Variants in SCN9A observed in about 807,000 individuals in gnomAD.
The protein encoded by SCN9A is sodium voltage-gated channel alpha subunit 9.
In SCN9A, 131 loss-of-function variants were observed where a neutral mutation model predicts 187.0. The observed-to-expected ratio is 0.70, with a 90% CI of 0.61 to 0.81. The LOEUF (loss-of-function observed/expected upper bound fraction) is 0.81. Among genes scored for constraint, SCN9A ranks in the 30% least tolerant of loss-of-function variants. The pLI, the probability that SCN9A is intolerant of heterozygous loss-of-function variation, is 0.00. For synonymous variants in SCN9A, 809 were observed against 808.6 expected (o/e 1.00, Z -0.01); for missense variants, 2,252 against 2,396.6 (o/e 0.94, Z 1.26).
At chr2:166,200,021 G>A (rs1320657419) in intron 26 of SCN9A, among the ~76,000 whole-genome samples, 157 bp from the exon 27 acceptor site, 2 of 38,526 alleles carry the variant, frequency 5.2e-5, no homozygotes, top group African/African-American at 2.5e-4. Context: ...TTTTTGAGAC[G>A]GAGTCTCGCT....
chr2:166,321,949 A>G (rs1699255741), intron 1 of SCN9A, among the ~76,000 whole-genome samples: 1 of 152,120 alleles, frequency 6.6e-6, no homozygotes, highest in Non-Finnish European at 1.5e-5. Flanking sequence ...TCAAGCAATA[A>G]GCAAGAAGAA....
chr2:166,270,336 G>A (rs904189954), intron 17 of SCN9A, among the ~76,000 whole-genome samples: 1 of 151,884 alleles, frequency 6.6e-6, no homozygotes, highest in African/African-American at 2.4e-5. Flanking sequence ...GTGTACATAT[G>A]AGAGGATGTG....
At chr2:166,350,559 G>T (rs1433650410) in intron 1 of SCN9A, among the ~76,000 whole-genome samples, 1 of 152,208 alleles carries the variant, frequency 6.6e-6, no homozygotes, top group East Asian at 1.9e-4. Flanking sequence ...TTTTGTAAAT[G>T]ATAATCACTT....
intron 24 of SCN9A, among the ~76,000 whole-genome samples, chr2:166,208,560 C>CT (rs768681241): frequency 1.3e-4 from 19 of 151,620 alleles, no homozygotes; most frequent in Admixed American, 2.6e-4. Flanking sequence ...TGTAATCTTC[C>CT]TTTTTATAAC....
chr2:166,313,063 T>TA (rs1699015801), intron 1 of SCN9A, among the ~76,000 whole-genome samples: 1 of 148,924 alleles, frequency 6.7e-6, no homozygotes, highest in African/African-American at 2.4e-5. Flanking sequence ...ATATAATTAT[T>TA]TAATTTTCTG....
At chr2:166,332,308 A>G (rs2105265905) in intron 1 of SCN9A, among the ~76,000 whole-genome samples, 1 of 152,258 alleles carries the variant, frequency 6.6e-6, no homozygotes, top group South Asian at 2.1e-4. Context: ...TAGTTTCCCA[A>G]AGCCTTCCAA....
chr2:166,228,563 G>A, intron 22 of SCN9A, 128 bp downstream of exon 22: 1 of 865,268 alleles, frequency 1.2e-6, no homozygotes, highest in Non-Finnish European at 1.6e-6. Flanking sequence ...GGCCAAGACT[G>A]GCACTGTTTT....
chr2:166,295,405 C>T (rs1698254470), intron 7 of SCN9A, among the ~76,000 whole-genome samples: 1 of 152,064 alleles, frequency 6.6e-6, no homozygotes, highest in South Asian at 2.1e-4. Flanking sequence ...TGCAAACATC[C>T]TAGGGTGCAC....
At chr2:166,318,093 G>A (rs1699150910) in intron 1 of SCN9A, among the ~76,000 whole-genome samples, 1 of 152,098 alleles carries the variant, frequency 6.6e-6, no homozygotes, top group Admixed American at 6.5e-5. Flanking sequence ...TAAATATGTA[G>A]CAGAGTGGTT....
intron 20 of SCN9A, 60 bp from the exon 21 acceptor site, chr2:166,233,522 A>T: frequency 7.0e-7 from 1 of 1,426,204 alleles, no homozygotes; most frequent in Non-Finnish European, 9.4e-7. Context: ...AAAAGGAAAA[A>T]GTCAATTCTG....
chr2:166,317,222 A>C (rs989190050), intron 1 of SCN9A, among the ~76,000 whole-genome samples: 3 of 151,900 alleles, frequency 2.0e-5, no homozygotes, highest in African/African-American at 7.2e-5. Flanking sequence ...GAAGAAAGAA[A>C]ATATACTTTG....
At chr2:166,247,548 C>A (rs1695848641) in intron 18 of SCN9A, among the ~76,000 whole-genome samples, 1 of 151,992 alleles carries the variant, frequency 6.6e-6, no homozygotes, top group Non-Finnish European at 1.5e-5. Flanking sequence ...GACAGAGTCT[C>A]ACTTTGTTGC....
intron 1 of SCN9A, among the ~76,000 whole-genome samples, chr2:166,361,990 T>G (rs1700296871): frequency 6.6e-6 from 1 of 152,046 alleles, no homozygotes. Context: ...GCCCTTTAAT[T>G]CAATATCAAA....
Position 166,261,453 on chromosome 2 carries a change from G to T in SCN9A, c.3352-9568C>A, listed in dbSNP as rs529868923. Among the ~76,000 whole-genome samples, 19 of 151,954 alleles carry T rather than the reference G, an allele frequency of 1.3e-4. No individual in the cohort carries two copies. The South Asian group carries it at 3.9e-3, about 31-fold the overall frequency. On this transcript the variant is annotated intron_variant, in intron 17 of 26. Transcript: ENST00000642356. The stretch of plus-strand genomic sequence containing the variant: ...TCGTTCTATTTCTTTCTCTACCTGG[G>T]TATTGGATATAAAGCTGTAGGTGGA...
chr2:166,349,590 C>A (rs566528668), intron 1 of SCN9A, among the ~76,000 whole-genome samples: 32 of 152,140 alleles, frequency 2.1e-4, no homozygotes, highest in Non-Finnish European at 3.8e-4. Context: ...AATCTCTCTA[C>A]AAACTTTTAA....
chr2:166,220,478 GTGTATCATAACA>G (rs113119799), intron 24 of SCN9A, among the ~76,000 whole-genome samples: 147,256 of 152,172 alleles, frequency 0.97, 71,258 homozygotes, highest in East Asian at 1. Context: ...TTTGTGCCAT[GTGTATCATAACA>G]TGATACCTTA....
intron 9 of SCN9A, among the ~76,000 whole-genome samples, chr2:166,289,131 CT>C (rs1476045137): frequency 6.7e-6 from 1 of 149,344 alleles, no homozygotes; most frequent in African/African-American, 2.5e-5. Flanking sequence ...GCTTTCTTTG[CT>C]TTTTAAAATA....
At chr2:166,214,503 CTTTTTTTT>C (rs34494272) in intron 24 of SCN9A, among the ~76,000 whole-genome samples, 1 of 64,274 alleles carries the variant, frequency 1.6e-5, no homozygotes, top group African/African-American at 6.4e-5. Context: ...TACAATCTTT[CTTTTTTTT>C]TTTTTTTTTT....
chr2:166,338,957 A>C (rs1254455751), intron 1 of SCN9A, among the ~76,000 whole-genome samples: 1 of 152,176 alleles, frequency 6.6e-6, no homozygotes, highest in African/African-American at 2.4e-5. Flanking sequence ...AAAAGATAAC[A>C]TTAGAGGAAG....
Sources: allele counts gnomAD v4.1 joint callset (sites outside exome capture counted in the v4.1 genomes callset), GRCh38; gene constraint gnomAD v4.1.1; transcripts MANE v1.5; gene names NCBI Gene and HGNC (gene_info 2026-07-23, HGNC 2026-07-21).